Variants in EVI5L observed in about 807,000 individuals in gnomAD.
EVI5L encodes ecotropic viral integration site 5 like, also known as EVI5-like protein.
EVI5L carries 30 observed loss-of-function variants against 106.1 expected under a neutral mutation model. The observed-to-expected ratio is 0.28, with a 90% confidence interval of 0.21 to 0.38. The LOEUF (loss-of-function observed/expected upper bound fraction) is 0.38, where lower values mean the gene tolerates loss of function less well. Among genes scored for constraint, EVI5L ranks in the 10% least tolerant of loss-of-function variants. EVI5L has a pLI of 1.00. For synonymous variants in EVI5L, 489 were observed against 483.3 expected (o/e 1.01, Z -0.15); for missense variants, 809 against 1,098.0 (o/e 0.74, Z 3.72).
chr19:7,859,918 G>T (rs1979719946), intron 13 of EVI5L, among the ~76,000 whole-genome samples: 1 of 152,234 alleles, frequency 6.6e-6, no homozygotes, highest in Non-Finnish European at 1.5e-5. Flanking sequence ...TGGGAGGGCT[G>T]AGGCAGTCCC....
chr19:7,857,496 ACACACACACG>A lies in EVI5L; in HGVS notation c.1233+384_1233+393del, dbSNP rs1288271013. The A allele has an allele frequency of 2.6e-5, 11 of 418,810 alleles. No individual in the cohort carries two copies. Among genetic ancestry groups the A allele is most frequent in the African/African-American group, 4.0e-5 (2 of 49,624 alleles). 25.9% of individuals were successfully genotyped at this position (418,810 alleles called of 1,614,324 possible). On this transcript the variant is annotated intron_variant, in intron 12 of 19. Transcript: ENST00000538904. This position sits in a 1 kb window ranked among gnomAD's most constrained non-coding sequence, Gnocchi z 4.5. ...TCACACACACACACAACACATGCAC[ACACACACACG>A]CACACACACGCCCGGCCCTCACGCT... is the stretch of plus-strand genomic sequence containing the variant.
chr19:7,849,316 C>T lies in EVI5L; in HGVS notation c.613C>T (p.Leu205=). The T allele has an allele frequency of 6.2e-7, 1 of 1,614,134 alleles. No individual in the cohort carries two copies. The highest frequency in any genetic ancestry group is 8.5e-7 in the Non-Finnish European group (1 of 1,180,024). Reference sequence around the variant, plus strand: ...CCAGGGAAGCGCCTTCATCGTGGGCCTGCTCCTCATGCAGGTAGGTGGCTG... The same window carrying T: ...CCAGGGAAGCGCCTTCATCGTGGGCTTGCTCCTCATGCAGGTAGGTGGCTG... ...YCQGSAFIVG[L]LLMQMPEEEA... The change falls in exon 5 of 20, where the codon CTG becomes TTG. Residue 205 remains leucine (L), a synonymous_variant. Coordinates refer to ENST00000538904, the MANE Select transcript of EVI5L (RefSeq NM_001159944.3).
chr19:7,852,904 A>G (rs1979325057), intron 8 of EVI5L, 182 bp from the exon 9 acceptor site: 2 of 615,040 alleles, frequency 3.3e-6, no homozygotes, highest in Admixed American at 5.9e-5. Context: ...GCAGTCCCCC[A>G]TTCCCTCCCC....
intron 8 of EVI5L, 91 bp from the exon 9 acceptor site, chr19:7,852,994 TC>T (rs1979331350): frequency 1.1e-5 from 14 of 1,274,998 alleles, no homozygotes; most frequent in Non-Finnish European, 1.6e-5. Context: ...GCAGACCCGT[TC>T]CTGCCCCCCT....
intron 1 of EVI5L, among the ~76,000 whole-genome samples, chr19:7,840,894 T>C (rs1599561721): frequency 6.6e-6 from 1 of 152,348 alleles, no homozygotes; most frequent in South Asian, 2.1e-4. Context: ...TTGTTTCTGC[T>C]TTTTGGCTGT....
chr19:7,849,061 G>A lies in EVI5L; in HGVS notation c.468G>A (p.Arg156=). 1 of 1,613,002 alleles carries A rather than the reference G, an allele frequency of 6.2e-7. No individual in the cohort carries two copies. The highest frequency in any genetic ancestry group is 8.5e-7 in the Non-Finnish European group (1 of 1,179,678). Residue 156 remains arginine (R), a synonymous_variant, in exon 4 of 20, where the codon AGG becomes AGA. Coordinates refer to ENST00000538904, the MANE Select transcript of EVI5L (RefSeq NM_001159944.3). ...MSSPCEKLIR[R]DIARTYPEHE... ...CGCCGTGCGAGAAGCTGATCCGCAG[G>A]GACATCGCCCGCACCTACCCGGAAC...
intron 1 of EVI5L, among the ~76,000 whole-genome samples, chr19:7,842,498 AAGTG>A (rs1294131753): frequency 1.6e-5 from 1 of 63,486 alleles, no homozygotes; most frequent in Admixed American, 1.6e-4. Context: ...GGATGTGTGA[AAGTG>A]TGTGTATCAA....
At chr19:7,853,535 C>T in intron 10 of EVI5L, 1 of 674,630 alleles carries the variant, frequency 1.5e-6, no homozygotes, top group South Asian at 1.9e-5. Context: ...CCTGACGCCG[C>T]GGTAACCAAG....
At chr19:7,836,199 T>C (rs1978338848) in intron 1 of EVI5L, among the ~76,000 whole-genome samples, 1 of 151,080 alleles carries the variant, frequency 6.6e-6, no homozygotes, top group African/African-American at 2.4e-5. Flanking sequence ...ATCGTGCAAC[T>C]GCACTCCAGC....
Position 7,835,532 on chromosome 19 carries a change from G to T in EVI5L, c.-48+5151G>T, listed in dbSNP as rs182588812. ...CAAAGAAAAAAGAATAAAAAGAAAA[G>T]AAAGAGGTAGAGGAAGGATTTGAAC... is the stretch of plus-strand genomic sequence containing the variant. On this transcript the variant is annotated intron_variant, in intron 1 of 19. Transcript: ENST00000538904. This position sits in a 1 kb window ranked among gnomAD's most constrained non-coding sequence, Gnocchi z 4.1. Among the ~76,000 whole-genome samples the T allele has an allele frequency of 6.6e-3, 1,004 of 152,224 alleles. 13 individuals carry two copies. Among genetic ancestry groups the T allele is most frequent in the South Asian group, 0.024 (118 of 4,826 alleles).
Position 7,862,982 on chromosome 19 carries a change from A to C in EVI5L, c.1958A>C (p.Glu653Ala). 6.4e-7 allele frequency: 1 copy of C among 1,561,768 alleles called. No homozygotes were observed. The highest frequency in any genetic ancestry group is 8.6e-7 in the Non-Finnish European group (1 of 1,161,630). Residue 653 changes from glutamate to alanine, a missense_variant, in exon 18 of 20, where the codon GAG becomes GCG. By Grantham distance (107) the Glu-to-Ala change is moderately radical (BLOSUM62 -1). This residue lies in a region of EVI5L where 452 missense variants were observed against 509.9 expected (regional missense o/e 0.89). Coordinates refer to ENST00000538904, the MANE Select transcript of EVI5L (RefSeq NM_001159944.3). ...QAEAECKSKE[E>A]VMAVRLREAD... ...ATCCCCCGACCCCAGAGCAAGGAGG[A>C]GGTGATGGCTGTGCGACTGCGGGAG...
At position 7,835,632 on chromosome 19, in the gene EVI5L, A is replaced by G. The variant is rs775938395; in HGVS notation, c.-48+5251A>G. 6.6e-6 allele frequency among the ~76,000 whole-genome samples: 1 copy of G among 152,224 alleles called. No homozygotes were observed. Among genetic ancestry groups the G allele is most frequent in the African/African-American group, 2.4e-5 (1 of 41,474 alleles). On this transcript the variant is annotated intron_variant, in intron 1 of 19. Transcript: ENST00000538904. This position sits in a 1 kb window ranked among gnomAD's most constrained non-coding sequence, Gnocchi z 4.1. ...AACAACCTACATTCCAAGGCCAGGG[A>G]TATGGAAACTTCCAGAACCATGTGG...
Position 7,863,051 on chromosome 19 carries a change from C to G in EVI5L, c.2027C>G (p.Ala676Gly). The G allele has an allele frequency of 1.3e-6, 2 of 1,564,840 alleles. No individual in the cohort carries two copies. Among genetic ancestry groups the G allele is most frequent in the Non-Finnish European group, 1.7e-6 (2 of 1,162,558 alleles). Residue 676 changes from alanine (A) to glycine (G), a missense_variant, in exon 18 of 20, where the codon GCC becomes GGC. Ala to Gly is a moderately conservative substitution (Grantham distance 60). Around this residue, in one of 2 missense-constraint regions of EVI5L, gnomAD observed 452 missense variants for 509.9 expected, o/e 0.89. Transcript: ENST00000538904. This position sits in a 1 kb window ranked among gnomAD's most constrained non-coding sequence, Gnocchi z 7.7. ...GTGGCCGAGATGCGGCAGCGCATTG[C>G]CGAGCTGGAGATCCAGGTGATCGGC... The part of the protein sequence containing the change: ...AAVAEMRQRI[A>G]ELEIQREEGR...
Position 7,858,307 on chromosome 19 carries a change from C to G in EVI5L, c.1350C>G (p.Thr450=), listed in dbSNP as rs1196140334. The G allele has an allele frequency of 6.5e-7, 1 of 1,548,528 alleles. No homozygotes were observed. The highest frequency in any genetic ancestry group is 8.7e-7 in the Non-Finnish European group (1 of 1,146,998). ...AGGACCTGCAGAAGGCACAGAGCACCATCCGGCAGCTACAGGAGCAGCAGG... is the reference window on the plus strand; with the variant it reads ...AGGACCTGCAGAAGGCACAGAGCACGATCCGGCAGCTACAGGAGCAGCAGG... ...AAEDLQKAQS[T]IRQLQEQQEN... The change falls in exon 13 of 20, where the codon ACC becomes ACG. Residue 450 remains threonine, a synonymous_variant. Transcript: ENST00000538904. This position sits in a 1 kb window ranked among gnomAD's most constrained non-coding sequence, Gnocchi z 5.7.
chr19:7,853,025 G>T, intron 8 of EVI5L, 61 bp from the exon 9 acceptor site: 1 of 1,579,756 alleles, frequency 6.3e-7, no homozygotes, highest in South Asian at 1.1e-5. Flanking sequence ...CAGGGCTCGG[G>T]CGGCCCCCGG....
At chr19:7,852,912 C>CCCTCACG in intron 8 of EVI5L, 174 bp from the exon 9 acceptor site, 1 of 630,370 alleles carries the variant, frequency 1.6e-6, no homozygotes, top group Non-Finnish European at 2.8e-6. Context: ...CCATTCCCTC[C>CCCTCACG]CCTCACGCTC....
At chr19:7,839,632 C>T (rs1273495016) in intron 1 of EVI5L, among the ~76,000 whole-genome samples, 1 of 151,770 alleles carries the variant, frequency 6.6e-6, no homozygotes, top group African/African-American at 2.4e-5. Flanking sequence ...GCCATCAAGA[C>T]AGCAGCTTTG....
intron 1 of EVI5L, among the ~76,000 whole-genome samples, chr19:7,841,572 G>C (rs958031866): frequency 2.0e-5 from 3 of 152,192 alleles, no homozygotes; most frequent in Non-Finnish European, 4.4e-5. Context: ...GCCTGGCTCA[G>C]CTTCCTAAGC....
In EVI5L at chr19:7,863,180, C is replaced by G; in HGVS notation, c.2044-5C>G. 1 of 1,553,768 alleles carries G rather than the reference C, an allele frequency of 6.4e-7. No homozygotes were observed. Among genetic ancestry groups the G allele is most frequent in the Non-Finnish European group, 8.7e-7 (1 of 1,148,938 alleles). On this transcript the variant is annotated splice_polypyrimidine_tract_variant and splice_region_variant and intron_variant, in intron 18 of 19. Coordinates refer to ENST00000538904, the MANE Select transcript of EVI5L (RefSeq NM_001159944.3). This position sits in a 1 kb window ranked among gnomAD's most constrained non-coding sequence, Gnocchi z 7.7. Reference sequence around the variant, plus strand: ...TGGCCCCGCGTGACCTGGCGCACCCCGCAGAGGGAGGAAGGCCGCATCCAG... The same window carrying G: ...TGGCCCCGCGTGACCTGGCGCACCCGGCAGAGGGAGGAAGGCCGCATCCAG...
Sources: gnomAD v4.1 joint callset for allele counts (sites outside exome capture counted in the v4.1 genomes callset) on GRCh38, gnomAD v4.1.1 for gene constraint, gnomAD v4.1.1 regional missense constraint, Gnocchi (gnomAD v3.1) non-coding constraint, MANE v1.5 for transcripts, NCBI Gene and HGNC (gene_info 2026-07-23, HGNC 2026-07-21) for gene names.